Variants in SLC8A1 observed in about 807,000 individuals in gnomAD.
The protein encoded by SLC8A1 is solute carrier family 8 member A1.
Under a neutral mutation model 68.3 loss-of-function variants are expected in SLC8A1, and 18 were observed. The ratio of observed to expected loss-of-function variants is 0.26; its 90% confidence interval spans 0.18 to 0.39. SLC8A1 has a LOEUF of 0.39. Ranked by LOEUF, SLC8A1 falls within the 10% of genes least tolerant of loss-of-function variation. The pLI is 1.00. For synonymous variants in SLC8A1, 475 were observed against 415.5 expected (o/e 1.14, Z -1.74); for missense variants, 985 against 1,156.7 (o/e 0.85, Z 2.15).
At chr2:40,492,669 C>T (rs1314724909) in intron 1 of SLC8A1, among the ~76,000 whole-genome samples, 1 of 148,706 alleles carries the variant, frequency 6.7e-6, no homozygotes. Context: ...ACAACCCAAT[C>T]AAAAAGTGGG....
intron 1 of SLC8A1, among the ~76,000 whole-genome samples, chr2:40,490,085 T>G (rs1214792416): frequency 6.6e-6 from 1 of 152,116 alleles, no homozygotes; most frequent in East Asian, 1.9e-4. Context: ...ATTAAGCATA[T>G]GTAAGATTTT....
intron 2 of SLC8A1, among the ~76,000 whole-genome samples, chr2:40,188,377 TGTCTGGTTCA>T (rs2051099538): frequency 6.6e-6 from 1 of 152,194 alleles, no homozygotes; most frequent in African/African-American, 2.4e-5. Flanking sequence ...TCAACATCTT[TGTCTGGTTCA>T]GTTTTAGAAA....
chr2:40,504,735 G>C (rs1456027239), intron 1 of SLC8A1, among the ~76,000 whole-genome samples: 2 of 151,932 alleles, frequency 1.3e-5, no homozygotes, highest in Non-Finnish European at 2.9e-5. Context: ...GATCATCAGA[G>C]AAATGCAAAT....
chr2:40,305,667 C>T (rs1349796817), intron 2 of SLC8A1, among the ~76,000 whole-genome samples: 1 of 152,152 alleles, frequency 6.6e-6, no homozygotes, highest in African/African-American at 2.4e-5. Context: ...ACCTTTCTGA[C>T]TGTCTAATAG....
At chr2:40,312,791 ATAGAT>A (rs1415591794) in intron 2 of SLC8A1, among the ~76,000 whole-genome samples, 2 of 152,116 alleles carry the variant, frequency 1.3e-5, no homozygotes, top group Non-Finnish European at 2.9e-5. Flanking sequence ...GTAGAAAACT[ATAGAT>A]TAGTTTTAAA....
intron 1 of SLC8A1, among the ~76,000 whole-genome samples, chr2:40,493,576 A>G (rs192469049): frequency 3.4e-4 from 52 of 151,994 alleles, no homozygotes; most frequent in African/African-American, 1.2e-3. Flanking sequence ...CAAAGATCAC[A>G]AAACTTGGGA....
At chr2:40,293,640 C>T (rs1042490001) in intron 2 of SLC8A1, among the ~76,000 whole-genome samples, 3 of 152,068 alleles carry the variant, frequency 2.0e-5, no homozygotes, top group African/African-American at 7.2e-5. Context: ...TCTATTGATG[C>T]TAAGTGAAGG....
chr2:40,425,769 G>A (rs1696694993), intron 2 of SLC8A1, among the ~76,000 whole-genome samples: 1 of 151,658 alleles, frequency 6.6e-6, no homozygotes, highest in Non-Finnish European at 1.5e-5. Context: ...CTGACTGTAT[G>A]GAAATAAGAC....
chr2:40,418,003 G>C (rs533254121), intron 2 of SLC8A1, among the ~76,000 whole-genome samples: 1 of 152,020 alleles, frequency 6.6e-6, no homozygotes, highest in African/African-American at 2.4e-5. Context: ...ATTGATCATA[G>C]AATTAATAAC....
intron 2 of SLC8A1, among the ~76,000 whole-genome samples, chr2:40,238,973 A>G (rs1423900678): frequency 6.6e-6 from 1 of 152,170 alleles, no homozygotes. Context: ...TGTCATGGAA[A>G]CAGTTCCAAA....
intron 1 of SLC8A1, among the ~76,000 whole-genome samples, chr2:40,431,877 C>A (rs536191962): frequency 6.6e-6 from 1 of 152,196 alleles, no homozygotes; most frequent in South Asian, 2.1e-4. Flanking sequence ...CTGGCAGACC[C>A]TGAGAGATCC....
intron 1 of SLC8A1, among the ~76,000 whole-genome samples, chr2:40,447,195 G>A (rs532845014): frequency 4.6e-5 from 7 of 152,130 alleles, no homozygotes; most frequent in Non-Finnish European, 7.4e-5. Context: ...TCTAGGTTAC[G>A]GGCATTAATA....
At chr2:40,472,877 A>G (rs1244243153) in intron 1 of SLC8A1, among the ~76,000 whole-genome samples, 6 of 152,214 alleles carry the variant, frequency 3.9e-5, no homozygotes, top group Non-Finnish European at 2.9e-5. Flanking sequence ...ATGAAGTAGA[A>G]TATACTGACT....
In SLC8A1 at chr2:40,289,229, A is replaced by T. The variant is rs548851046; in HGVS notation, c.1809-111374T>A. ...AGATTAACCAAATCCTGTTTTTTTT[A>T]AAAAATAAGTTACTTTGACAGAGTC... On this transcript the variant is annotated intron_variant, in intron 2 of 7. Transcript: ENST00000406785. Among the ~76,000 whole-genome samples, 124 of 131,098 alleles carry T rather than the reference A, an allele frequency of 9.5e-4. 1 individual carries two copies. The East Asian group carries it at 0.017, about 18-fold the overall frequency. 86.0% of individuals were successfully genotyped at this position (131,098 alleles called of 152,430 possible).
At chr2:40,161,871 C>G (rs568918460) in intron 5 of SLC8A1, among the ~76,000 whole-genome samples, 1 of 152,222 alleles carries the variant, frequency 6.6e-6, no homozygotes, top group African/African-American at 2.4e-5. Flanking sequence ...TGTCATAGGT[C>G]GAAATCTGTA....
intron 1 of SLC8A1, among the ~76,000 whole-genome samples, chr2:40,507,359 C>T (rs1706440251): frequency 6.6e-6 from 1 of 151,846 alleles, no homozygotes; most frequent in Admixed American, 6.6e-5. Context: ...TTAACTCTGA[C>T]ATTCAAAAAA....
At chr2:40,472,563 C>T (rs994339067) in intron 1 of SLC8A1, among the ~76,000 whole-genome samples, 4 of 152,200 alleles carry the variant, frequency 2.6e-5, no homozygotes, top group Admixed American at 2.0e-4. Flanking sequence ...CAAGGGCTTA[C>T]TATGTGCCCA....
At chr2:40,301,952 T>A (rs1368472158) in intron 2 of SLC8A1, among the ~76,000 whole-genome samples, 1 of 151,884 alleles carries the variant, frequency 6.6e-6, no homozygotes, top group African/African-American at 2.4e-5. Context: ...AACCTCTGAC[T>A]CCTGGGTTCA....
chr2:40,420,906 G>A (rs1695324166), intron 2 of SLC8A1, among the ~76,000 whole-genome samples: 1 of 152,138 alleles, frequency 6.6e-6, no homozygotes. Context: ...TATTAGCTGT[G>A]TGACCCAGAG....
Sources: gnomAD v4.1 joint callset for allele counts (sites outside exome capture counted in the v4.1 genomes callset) on GRCh38, gnomAD v4.1.1 for gene constraint, MANE v1.5 for transcripts, NCBI Gene and HGNC (gene_info 2026-07-23, HGNC 2026-07-21) for gene names.